Variants in CAMKMT observed in about 807,000 individuals in gnomAD.
CAMKMT encodes the protein CaM KMT.
In CAMKMT, 53 loss-of-function variants were observed where a neutral mutation model predicts 48.0. The ratio of observed to expected loss-of-function variants is 1.10; its 90% CI spans 0.89 to 1.39. The LOEUF (loss-of-function observed/expected upper bound fraction) is 1.39. Among genes scored for constraint, CAMKMT ranks in the 40% most tolerant of loss-of-function variants. The probability of loss-of-function intolerance (pLI) is 0.00; values close to 1 mark genes in which losing one functional copy is unlikely to be tolerated. For synonymous variants in CAMKMT, 165 were observed against 152.3 expected (o/e 1.08, Z -0.61); for missense variants, 428 against 402.7 (o/e 1.06, Z -0.54).
chr2:44,517,276 C>T (rs1234169980), intron 3 of CAMKMT, among the ~76,000 whole-genome samples: 2 of 152,080 alleles, frequency 1.3e-5, no homozygotes, highest in African/African-American at 2.4e-5. Flanking sequence ...AGAAGATACA[C>T]TGTGTCTGGA....
intron 3 of CAMKMT, among the ~76,000 whole-genome samples, chr2:44,425,078 CAAAGTT>C (rs552511641): frequency 1.5e-3 from 228 of 152,156 alleles, no homozygotes; most frequent in Middle Eastern, 0.01. Flanking sequence ...TATTGTGACT[CAAAGTT>C]AAAGAATAAA....
At chr2:44,430,740 T>C (rs988155460) in intron 3 of CAMKMT, among the ~76,000 whole-genome samples, 2 of 152,180 alleles carry the variant, frequency 1.3e-5, no homozygotes, top group African/African-American at 4.8e-5. Flanking sequence ...TGTTGGGAGA[T>C]TATTTCTTTC....
At chr2:44,536,995 C>T (rs1666812151) in intron 3 of CAMKMT, among the ~76,000 whole-genome samples, 3 of 152,126 alleles carry the variant, frequency 2.0e-5, no homozygotes, top group Admixed American at 6.5e-5. Context: ...TCTCTCTCCA[C>T]GTACCAAAAA....
At chr2:44,620,801 A>G (rs1164200177) in intron 3 of CAMKMT, among the ~76,000 whole-genome samples, 1 of 152,222 alleles carries the variant, frequency 6.6e-6, no homozygotes, top group Admixed American at 6.5e-5. Context: ...TTCTAGTGCC[A>G]GATTGCCTGT....
chr2:44,709,580 G>A (rs888706645), intron 6 of CAMKMT, among the ~76,000 whole-genome samples: 1 of 151,846 alleles, frequency 6.6e-6, no homozygotes, highest in East Asian at 1.9e-4. Flanking sequence ...ATTGGCATTC[G>A]TTGTCATCTG....
chr2:44,741,735 G>A (rs1679686459), intron 7 of CAMKMT, among the ~76,000 whole-genome samples: 1 of 152,150 alleles, frequency 6.6e-6, no homozygotes, highest in Admixed American at 6.5e-5. Flanking sequence ...TTATTTTAGA[G>A]TCATGACTCA....
chr2:44,588,303 A>C (rs868093442), intron 3 of CAMKMT, among the ~76,000 whole-genome samples: 1 of 41,590 alleles, frequency 2.4e-5, no homozygotes, highest in African/African-American at 1.1e-4. Flanking sequence ...TCCGGGAGGG[A>C]GGGGGGGGGT....
At chr2:44,582,458 G>A (rs546163539) in intron 3 of CAMKMT, among the ~76,000 whole-genome samples, 6 of 152,280 alleles carry the variant, frequency 3.9e-5, no homozygotes, top group African/African-American at 9.6e-5. Flanking sequence ...CTGGTAAGCT[G>A]TCTCATTCTT....
chr2:44,745,146 C>G (rs1272641939), intron 8 of CAMKMT, among the ~76,000 whole-genome samples: 2 of 152,106 alleles, frequency 1.3e-5, no homozygotes, highest in Non-Finnish European at 2.9e-5. Flanking sequence ...CAGAGAGCAG[C>G]GGCAAAAGGG....
intron 3 of CAMKMT, among the ~76,000 whole-genome samples, chr2:44,700,660 T>G (rs1037016880): frequency 2.0e-5 from 3 of 152,308 alleles, no homozygotes; most frequent in Non-Finnish European, 2.9e-5. Flanking sequence ...ACGCAATTCA[T>G]GCCGCCCCAA....
chr2:44,559,162 A>G (rs1015387591), intron 3 of CAMKMT, among the ~76,000 whole-genome samples: 17 of 152,172 alleles, frequency 1.1e-4, no homozygotes, highest in African/African-American at 3.6e-4. Context: ...TAGGGATGCA[A>G]CTTAGTGGTG....
chr2:44,410,010 G>A lies in CAMKMT; in HGVS notation c.376+19705G>A, dbSNP rs147905743. 3.5e-3 allele frequency among the ~76,000 whole-genome samples: 527 copies of A among 152,036 alleles called. 2 individuals are homozygous for A. The highest frequency in any genetic ancestry group is 0.012 in the African/African-American group (488 of 41,498). ...GTTTTAATAAAAGTAGGAAATAACT[G>A]CTGTGGAAGTATAGAGAAGAGCTGA... On this transcript the variant is annotated intron_variant, in intron 3 of 10. Coordinates refer to ENST00000378494, the MANE Select transcript of CAMKMT (RefSeq NM_024766.5).
intron 3 of CAMKMT, among the ~76,000 whole-genome samples, chr2:44,591,240 C>G (rs1382758564): frequency 1.3e-5 from 2 of 151,918 alleles, no homozygotes; most frequent in South Asian, 2.1e-4. Flanking sequence ...AATGTGGGCT[C>G]TTTTTTGGTT....
At chr2:44,413,642 A>G (rs1307789537) in intron 3 of CAMKMT, among the ~76,000 whole-genome samples, 3 of 149,558 alleles carry the variant, frequency 2.0e-5, no homozygotes, top group Non-Finnish European at 1.5e-5. Flanking sequence ...ACAGAGTGAG[A>G]CTCCGTCTCA....
chr2:44,708,749 TC>T (rs1220786809), intron 6 of CAMKMT, among the ~76,000 whole-genome samples: 2 of 152,118 alleles, frequency 1.3e-5, no homozygotes, highest in Non-Finnish European at 2.9e-5. Context: ...GTGCTCCTCC[TC>T]CTTATGTCAG....
Position 44,574,908 on chromosome 2 carries a change from C to A in CAMKMT, c.377-129375C>A, listed in dbSNP as rs1669128833. Among the ~76,000 whole-genome samples the A allele has an allele frequency of 2.7e-5, 4 of 149,060 alleles. No homozygotes were observed. In the South Asian group the frequency reaches 8.5e-4, roughly 32 times the overall value. The stretch of plus-strand genomic sequence containing the variant: ...GGCATGAGCCACCACGCCCAGCTAA[C>A]TGGCTATTTTTTCGTTTTTGTATTT... On this transcript the variant is annotated intron_variant, in intron 3 of 10. Coordinates refer to ENST00000378494, the MANE Select transcript of CAMKMT (RefSeq NM_024766.5).
intron 3 of CAMKMT, among the ~76,000 whole-genome samples, chr2:44,692,731 T>C (rs1676732707): frequency 6.6e-6 from 1 of 152,204 alleles, no homozygotes; most frequent in African/African-American, 2.4e-5. Flanking sequence ...TGCTGTAGCT[T>C]TTTATAGTTG....
rs34285842 is a variant in CAMKMT, at chr2:44,540,159, C to CATAT, written c.376+149863_376+149866dup. On this transcript the variant is annotated intron_variant, in intron 3 of 10. Coordinates refer to ENST00000378494, the MANE Select transcript of CAMKMT (RefSeq NM_024766.5). ...TTTCCCTCTCTTATATATGTATATACATATATATATATGTACATATGTTTT... is the reference window on the plus strand; with the variant it reads ...TTTCCCTCTCTTATATATGTATATACATATATATATATATATGTACATATGTTTT... 3.0e-3 allele frequency among the ~76,000 whole-genome samples: 444 copies of CATAT among 149,790 alleles called. 2 individuals carry two copies. The highest frequency in any genetic ancestry group is 4.8e-3 in the Non-Finnish European group (327 of 67,446).
intron 3 of CAMKMT, among the ~76,000 whole-genome samples, chr2:44,453,561 G>C (rs977077771): frequency 1.3e-5 from 2 of 152,100 alleles, no homozygotes; most frequent in Non-Finnish European, 2.9e-5. Flanking sequence ...GCTTGGCAAT[G>C]AAATTCAGCT....
Sources: allele counts gnomAD v4.1 joint callset (sites outside exome capture counted in the v4.1 genomes callset), GRCh38; gene constraint gnomAD v4.1.1; transcripts MANE v1.5; gene names NCBI Gene and HGNC (gene_info 2026-07-23, HGNC 2026-07-21).